TNRC6C: variants seen among roughly 807,000 people sequenced by gnomAD.
TNRC6C encodes trinucleotide repeat containing adaptor 6C, also known as trinucleotide repeat-containing gene 6C protein.
TNRC6C carries 20 observed loss-of-function variants against 153.7 expected under a neutral mutation model. The ratio of observed to expected loss-of-function variants is 0.13; its 90% CI spans 0.09 to 0.19. The LOEUF is 0.19. Among genes scored for constraint, TNRC6C ranks in the 10% least tolerant of loss-of-function variants. TNRC6C has a pLI of 1.00. For missense variants in TNRC6C, 1,987 were observed against 2,172.0 expected, an observed-to-expected ratio of 0.91 and a Z score of 1.69; for synonymous variants, 811 against 841.4, an observed-to-expected ratio of 0.96 and a Z score of 0.63.
At chr17:77,958,099 G>A (rs2070823057), upstream of TNRC6C, among the ~76,000 whole-genome samples, 1 of 152,114 alleles carries the variant, frequency 6.6e-6, no homozygotes, top group African/African-American at 2.4e-5. Context: ...GTGCGTGTGC[G>A]TGTGCAAAGT....
intron 1 of TNRC6C, among the ~76,000 whole-genome samples, chr17:77,980,468 A>G (rs1286400932): frequency 1.3e-5 from 2 of 152,080 alleles, no homozygotes; most frequent in Non-Finnish European, 2.9e-5. Context: ...TGCAGTGGAC[A>G]CCAGCTGGGT....
intron 12 of TNRC6C, 26 bp downstream of exon 14, chr17:78,086,612 G>C: frequency 6.2e-7 from 1 of 1,607,996 alleles, no homozygotes; most frequent in South Asian, 1.1e-5. Flanking sequence ...ATTGATTTTT[G>C]TCATGAGCTA....
chr17:77,967,503 G>A (rs2070907032), intron 1 of TNRC6C, among the ~76,000 whole-genome samples: 1 of 152,108 alleles, frequency 6.6e-6, no homozygotes, highest in Non-Finnish European at 1.5e-5. Context: ...GGTACGTGGG[G>A]CTGTATCTGC....
Position 78,104,860 on chromosome 17 carries a change from A to G in TNRC6C, c.*15A>G. The G allele has an allele frequency of 7.1e-7, 1 of 1,404,034 alleles. No homozygotes were observed. 87.0% of individuals were successfully genotyped at this position (1,404,034 alleles called of 1,614,324 possible). A position where few individuals can be genotyped will look rare whatever the true frequency, so the allele number is the denominator to read the frequency against. ...AGTCCCTGTAGGCTCTGCCATCATC[A>G]GCACCAGGAGAGCCGACCCCTCCCG... On this transcript the variant is annotated 3_prime_UTR_variant, in exon 20 of 20. Coordinates refer to ENST00000301624, the Ensembl canonical transcript of TNRC6C. The surrounding 1 kb of genome is among the most constrained non-coding windows in gnomAD (Gnocchi z 6.2).
intron 1 of TNRC6C, among the ~76,000 whole-genome samples, chr17:78,009,209 G>A (rs2071577141): frequency 6.6e-6 from 1 of 152,078 alleles, no homozygotes; most frequent in Non-Finnish European, 1.5e-5. Context: ...CTTCAGACTG[G>A]CATGGGTTTT....
intron 1 of TNRC6C, among the ~76,000 whole-genome samples, chr17:78,009,256 G>A (rs1436131337): frequency 3.3e-5 from 5 of 152,026 alleles, no homozygotes; most frequent in Non-Finnish European, 7.4e-5. Flanking sequence ...TTTATTTTTG[G>A]CACTGCCCTT....
intron 1 of TNRC6C, among the ~76,000 whole-genome samples, chr17:77,966,938 A>G (rs1221841626): frequency 6.6e-6 from 1 of 152,240 alleles, no homozygotes; most frequent in East Asian, 1.9e-4. Flanking sequence ...TTACATAAAT[A>G]GAATAGCAGC....
chr17:77,991,098 A>G (rs1471566951), intron 1 of TNRC6C, among the ~76,000 whole-genome samples: 1 of 152,162 alleles, frequency 6.6e-6, no homozygotes, highest in Admixed American at 6.5e-5. Context: ...GTTACCAGGG[A>G]TGTATGTTGC....
chr17:78,091,522 A>C, exon 14 of TNRC6C: 1 of 1,609,304 alleles, frequency 6.2e-7, no homozygotes, highest in Non-Finnish European at 8.5e-7. Context: ...AGTCCCAGTC[A>C]CGCCTCCCCC....
chr17:77,958,356 C>G (rs563758178), upstream of TNRC6C, among the ~76,000 whole-genome samples: 3 of 152,056 alleles, frequency 2.0e-5, no homozygotes, highest in South Asian at 2.1e-4. Flanking sequence ...CGTAACCCCC[C>G]CGAGCAGTGC....
At chr17:77,989,725 G>A (rs368303209) in intron 1 of TNRC6C, among the ~76,000 whole-genome samples, 1 of 152,312 alleles carries the variant, frequency 6.6e-6, no homozygotes, top group East Asian at 1.9e-4. Context: ...GGCACATTGT[G>A]TGGCCAGTTA....
At chr17:77,998,900 A>G (rs2071369708) in intron 1 of TNRC6C, among the ~76,000 whole-genome samples, 1 of 152,170 alleles carries the variant, frequency 6.6e-6, no homozygotes, top group African/African-American at 2.4e-5. Flanking sequence ...CTTCTAGAAA[A>G]CACTGGTTTG....
chr17:77,958,407 C>T (rs1163344198), upstream of TNRC6C, among the ~76,000 whole-genome samples: 3 of 151,932 alleles, frequency 2.0e-5, no homozygotes, highest in Non-Finnish European at 4.4e-5. Flanking sequence ...ACTCGGAGCG[C>T]GCACCGCTCG....
chr17:78,003,005 TAAG>T (rs1300497906), upstream of TNRC6C, among the ~76,000 whole-genome samples: 3 of 152,096 alleles, frequency 2.0e-5, no homozygotes, highest in African/African-American at 4.8e-5. Flanking sequence ...TAAATAGTGA[TAAG>T]AATAGGAAGT....
chr17:78,022,867 G>A (rs2071861599), intron 1 of TNRC6C, among the ~76,000 whole-genome samples: 1 of 152,198 alleles, frequency 6.6e-6, no homozygotes, highest in South Asian at 2.1e-4. Flanking sequence ...CTGTACTGAT[G>A]CAGTGCATGT....
intron 1 of TNRC6C, among the ~76,000 whole-genome samples, chr17:78,011,294 T>A (rs962753328): frequency 6.6e-6 from 1 of 152,236 alleles, no homozygotes; most frequent in African/African-American, 2.4e-5. Flanking sequence ...ACACCCATCA[T>A]CCCTGAAGGT....
At chr17:78,028,425 G>A (rs1361092402) in intron 1 of TNRC6C, among the ~76,000 whole-genome samples, 1 of 152,164 alleles carries the variant, frequency 6.6e-6, no homozygotes, top group Non-Finnish European at 1.5e-5. Flanking sequence ...ATTCGTAGCA[G>A]TACCAAACTG....
In TNRC6C at chr17:78,055,022, G is replaced by C. The variant is rs145391719; in HGVS notation, c.2395+3565G>C. On this transcript the variant is annotated intron_variant, in intron 3 of 19. Coordinates refer to ENST00000301624, the Ensembl canonical transcript of TNRC6C. ...GACTACTGTACACCACTGCAAAGTA[G>C]AGTTCAGCACTGTACACCACTGCAG... Among the ~76,000 whole-genome samples, 1,426 of 151,540 alleles carry C rather than the reference G, an allele frequency of 9.4e-3. 15 individuals carry two copies. The highest frequency in any genetic ancestry group is 0.037 in the South Asian group (178 of 4,780).
intron 1 of TNRC6C, among the ~76,000 whole-genome samples, chr17:78,022,914 A>G (rs889601667): frequency 2.0e-5 from 3 of 152,190 alleles, no homozygotes; most frequent in Admixed American, 6.5e-5. Context: ...TTATTATTCC[A>G]TAAACAATAC....
Sources: allele counts gnomAD v4.1 joint callset (sites outside exome capture counted in the v4.1 genomes callset), GRCh38; gene constraint gnomAD v4.1.1; non-coding constraint Gnocchi (gnomAD v3.1); transcripts MANE v1.5; gene names NCBI Gene and HGNC (gene_info 2026-07-23, HGNC 2026-07-21).